The following PPM1L variants were observed in gnomAD, a reference collection of about 807,000 sequenced individuals.
PPM1L encodes the protein protein phosphatase, Mg2+/Mn2+ dependent 1L, also known as protein phosphatase 1L.
PPM1L carries 13 observed loss-of-function variants against 31.4 expected under a neutral mutation model. The observed-to-expected ratio is 0.41, with a 90% CI of 0.27 to 0.66. PPM1L has a LOEUF of 0.66. Ranked by LOEUF, PPM1L falls within the 30% of genes least tolerant of loss-of-function variation. The probability of loss-of-function intolerance (pLI) is 0.29; values close to 1 mark genes in which losing one functional copy is unlikely to be tolerated. For missense variants in PPM1L, 326 were observed against 453.7 expected, an observed-to-expected ratio of 0.72 and a Z score of 2.56; for synonymous variants, 184 against 175.4, an observed-to-expected ratio of 1.05 and a Z score of -0.39.
intron 2 of PPM1L, among the ~76,000 whole-genome samples, chr3:161,035,377 GC>G: frequency 6.6e-6 from 1 of 152,304 alleles, no homozygotes; most frequent in East Asian, 1.9e-4. Context: ...GTTGCACAGC[GC>G]CCCTCGGCCA....
intron 2 of PPM1L, among the ~76,000 whole-genome samples, chr3:161,061,244 G>A (rs1339751951): frequency 1.3e-5 from 2 of 152,166 alleles, no homozygotes; most frequent in Non-Finnish European, 2.9e-5. Context: ...CCCAGGATAG[G>A]GGCAGGTTTC....
chr3:161,048,252 A>G (rs960176745), intron 2 of PPM1L, among the ~76,000 whole-genome samples: 1 of 152,204 alleles, frequency 6.6e-6, no homozygotes, highest in African/African-American at 2.4e-5. Flanking sequence ...AAAAAACCCC[A>G]TCACAAAGTG....
At chr3:161,051,670 A>T (rs973701955) in intron 2 of PPM1L, among the ~76,000 whole-genome samples, 2 of 152,172 alleles carry the variant, frequency 1.3e-5, no homozygotes, top group African/African-American at 4.8e-5. Context: ...TAATAATATT[A>T]TTGGATCAAA....
intron 1 of PPM1L, among the ~76,000 whole-genome samples, chr3:160,840,814 GGAGA>G (rs890377169): frequency 1.4e-3 from 218 of 150,424 alleles, no homozygotes; most frequent in Middle Eastern, 3.4e-3. Flanking sequence ...AGAGAGAGAA[GGAGA>G]GAGAGAGAGA....
intron 1 of PPM1L, among the ~76,000 whole-genome samples, chr3:160,849,551 G>T (rs933600817): frequency 8.6e-5 from 13 of 151,308 alleles, no homozygotes; most frequent in Middle Eastern, 3.4e-3. Context: ...CTCCCGAGTA[G>T]CTGGGACTAC....
intron 1 of PPM1L, among the ~76,000 whole-genome samples, chr3:160,784,134 A>G (rs1711829096): frequency 6.6e-6 from 1 of 152,206 alleles, no homozygotes; most frequent in Admixed American, 6.5e-5. Flanking sequence ...ATTTTAATGT[A>G]CTTCATAATG....
At chr3:160,834,199 A>G (rs1460730309) in intron 1 of PPM1L, among the ~76,000 whole-genome samples, 1 of 151,528 alleles carries the variant, frequency 6.6e-6, no homozygotes, top group Non-Finnish European at 1.5e-5. Flanking sequence ...AATTTTTTGT[A>G]TTTTTAGTAG....
At chr3:160,977,354 C>G (rs1716625713) in intron 2 of PPM1L, among the ~76,000 whole-genome samples, 1 of 152,226 alleles carries the variant, frequency 6.6e-6, no homozygotes, top group African/African-American at 2.4e-5. Flanking sequence ...ATACACTGTT[C>G]ATTCAACACA....
intron 1 of PPM1L, among the ~76,000 whole-genome samples, chr3:160,800,400 T>C (rs1712387489): frequency 6.6e-6 from 1 of 152,148 alleles, no homozygotes; most frequent in South Asian, 2.1e-4. Flanking sequence ...AATACTTTTT[T>C]CCCCAAATCC....
At chr3:161,000,541 A>G (rs1232855065) in intron 2 of PPM1L, among the ~76,000 whole-genome samples, 1 of 152,242 alleles carries the variant, frequency 6.6e-6, no homozygotes. Context: ...GAGGCCAAGA[A>G]AAAAACAGGG....
At chr3:160,797,232 C>T (rs1712274865) in intron 1 of PPM1L, among the ~76,000 whole-genome samples, 3 of 151,842 alleles carry the variant, frequency 2.0e-5, no homozygotes, top group Non-Finnish European at 4.4e-5. Context: ...TATATCTGTC[C>T]TGGTGTTTTC....
chr3:161,078,165 T>G lies in PPM1L; in HGVS notation c.*9008T>G, dbSNP rs1480250016. 6.6e-6 allele frequency: 1 copy of G among 152,134 alleles called. No homozygotes were observed. Among genetic ancestry groups the G allele is most frequent in the African/African-American group, 2.4e-5 (1 of 41,428 alleles). 9.4% of individuals were successfully genotyped at this position (152,134 alleles called of 1,614,324 possible). On this transcript the variant is annotated 3_prime_UTR_variant, in exon 4 of 4. Coordinates refer to ENST00000498165, the MANE Select transcript of PPM1L (RefSeq NM_139245.4). The stretch of plus-strand genomic sequence containing the variant: ...GATTTAGTAAGATTAAAACCATAGA[T>G]GGAGCTCAGTTATTAAGGATGGAAA...
At chr3:161,017,703 G>T (rs577875121) in intron 2 of PPM1L, among the ~76,000 whole-genome samples, 3 of 152,234 alleles carry the variant, frequency 2.0e-5, no homozygotes, top group East Asian at 3.9e-4. Context: ...TGGTGAAAAG[G>T]TGCCAGCCTG....
intron 2 of PPM1L, among the ~76,000 whole-genome samples, chr3:160,995,324 T>C (rs1024330528): frequency 1.3e-5 from 2 of 152,070 alleles, no homozygotes; most frequent in Non-Finnish European, 2.9e-5. Context: ...AGAGATTTTT[T>C]TTTCTTTTTC....
chr3:160,783,827 G>T (rs1283424833), intron 1 of PPM1L, among the ~76,000 whole-genome samples: 1 of 152,086 alleles, frequency 6.6e-6, no homozygotes, highest in African/African-American at 2.4e-5. Flanking sequence ...TTGTAATTAT[G>T]TAGGGATGCC....
chr3:161,055,543 T>A (rs1228371946), intron 2 of PPM1L, among the ~76,000 whole-genome samples: 1 of 152,188 alleles, frequency 6.6e-6, no homozygotes, highest in Non-Finnish European at 1.5e-5. Context: ...CCTGAAATTG[T>A]GTTATTGAAC....
At chr3:160,830,130 G>T (rs1713479796) in intron 1 of PPM1L, among the ~76,000 whole-genome samples, 1 of 152,106 alleles carries the variant, frequency 6.6e-6, no homozygotes, top group African/African-American at 2.4e-5. Flanking sequence ...TGGGTGTAGT[G>T]GTTGTAAAAA....
At chr3:160,817,173 A>G (rs1371587393) in intron 1 of PPM1L, among the ~76,000 whole-genome samples, 3 of 152,022 alleles carry the variant, frequency 2.0e-5, no homozygotes, top group African/African-American at 7.2e-5. Flanking sequence ...TCAGTTTGTA[A>G]AGTGTGAGGA....
intron 1 of PPM1L, among the ~76,000 whole-genome samples, chr3:160,919,090 T>G (rs969130303): frequency 5.3e-5 from 8 of 152,228 alleles, no homozygotes; most frequent in Non-Finnish European, 2.9e-5. Flanking sequence ...TTTGAAATCC[T>G]TTTTATATGA....
Sources: allele counts gnomAD v4.1 joint callset (sites outside exome capture counted in the v4.1 genomes callset), GRCh38; gene constraint gnomAD v4.1.1; transcripts MANE v1.5; gene names NCBI Gene and HGNC (gene_info 2026-07-23, HGNC 2026-07-21).